The following ADAMTS16 variants were observed in gnomAD, a reference collection of about 807,000 sequenced individuals.
ADAMTS16 encodes A disintegrin and metalloproteinase with thrombospondin motifs 16.
ADAMTS16 carries 94 observed loss-of-function variants against 145.8 expected under a neutral mutation model. The ratio of observed to expected loss-of-function variants is 0.64; its 90% CI spans 0.55 to 0.77. ADAMTS16 has a LOEUF of 0.77. Ranked by LOEUF, ADAMTS16 falls within the 30% of genes least tolerant of loss-of-function variation. The pLI, the probability that ADAMTS16 is intolerant of heterozygous loss-of-function variation, is 0.00. For synonymous variants in ADAMTS16, 659 were observed against 604.3 expected, an observed-to-expected ratio of 1.09 and a Z score of -1.33; for missense variants, 1,585 against 1,591.5, an observed-to-expected ratio of 1.00 and a Z score of 0.07.
intron 11 of ADAMTS16, among the ~76,000 whole-genome samples, chr5:5,225,433 T>A (rs1418983384): frequency 2.0e-5 from 3 of 152,122 alleles, no homozygotes; most frequent in African/African-American, 7.2e-5. Context: ...TGAAACCCTG[T>A]CTCTACTAAA....
At chr5:5,315,955 GA>G (rs1472215445) in intron 21 of ADAMTS16, among the ~76,000 whole-genome samples, 1 of 152,048 alleles carries the variant, frequency 6.6e-6, no homozygotes. Flanking sequence ...ATCCAGAGGG[GA>G]AAAAAACAGA....
intron 3 of ADAMTS16, among the ~76,000 whole-genome samples, chr5:5,162,370 A>G (rs964586425): frequency 1.3e-5 from 2 of 152,176 alleles, no homozygotes; most frequent in African/African-American, 4.8e-5. Flanking sequence ...GACATCTAAC[A>G]AGGGTGAGAG....
At chr5:5,180,013 A>G (rs1735296253) in intron 3 of ADAMTS16, among the ~76,000 whole-genome samples, 1 of 152,288 alleles carries the variant, frequency 6.6e-6, no homozygotes. Context: ...ATGCTCCTCC[A>G]GGCCTGCAGT....
chr5:5,194,447 T>C (rs1378545868), intron 8 of ADAMTS16, among the ~76,000 whole-genome samples: 1 of 152,210 alleles, frequency 6.6e-6, no homozygotes, highest in African/African-American at 2.4e-5. Flanking sequence ...GGACAGTTCC[T>C]TCTGTCGCCT....
intron 17 of ADAMTS16, among the ~76,000 whole-genome samples, chr5:5,256,804 C>A (rs962910484): frequency 6.6e-6 from 1 of 152,078 alleles, no homozygotes; most frequent in African/African-American, 2.4e-5. Context: ...GGAAACCAAA[C>A]TGAAGCCATT....
chr5:5,154,166 T>A (rs368174781), intron 3 of ADAMTS16, among the ~76,000 whole-genome samples: 1 of 152,200 alleles, frequency 6.6e-6, no homozygotes, highest in East Asian at 1.9e-4. Flanking sequence ...CATGGGGGTA[T>A]GATCAGAAGA....
Position 5,195,125 on chromosome 5 carries a change from T to C in ADAMTS16, c.1313+3335T>C, listed in dbSNP as rs538301017. ...AAAAATAGAAATTACTAAGAACAGG[T>C]GTTTGGATTTGTGTTGGAAAGAGAG... On this transcript the variant is annotated intron_variant, in intron 8 of 22. Coordinates refer to ENST00000274181, the MANE Select transcript of ADAMTS16 (RefSeq NM_139056.4). Among the ~76,000 whole-genome samples the C allele has an allele frequency of 2.6e-5, 4 of 152,130 alleles. No homozygotes were observed. The East Asian group carries it at 7.7e-4, about 29-fold the overall frequency.
Position 5,318,140 on chromosome 5 carries a change from G to A in ADAMTS16, c.3418G>A (p.Ala1140Thr). 6.8e-7 allele frequency: 1 copy of A among 1,469,808 alleles called. No individual in the cohort carries two copies. 91.0% of individuals were successfully genotyped at this position (1,469,808 alleles called of 1,614,324 possible). The change falls in exon 22 of 23, where the codon GCC becomes ACC. Residue 1140 changes from alanine (A) to threonine (T), a missense_variant. Ala to Thr is a moderately conservative substitution (Grantham distance 58). Transcript: ENST00000274181. ...WFASPWSQCT[A>T]SCGGGVQTRS... ...GTGTGTGTTGCTCTCACAGTGCACG[G>A]CCAGCTGTGGGGGAGGCGTTCAGAC...
intron 9 of ADAMTS16, among the ~76,000 whole-genome samples, chr5:5,207,594 A>G (rs1056721607): frequency 1.3e-5 from 2 of 152,174 alleles, no homozygotes; most frequent in Non-Finnish European, 1.5e-5. Context: ...TGGTAAGAGG[A>G]GTCATTCTTA....
chr5:5,142,385 G>A (rs533951595), intron 2 of ADAMTS16: 1 of 152,336 alleles, frequency 6.6e-6, no homozygotes, highest in Non-Finnish European at 1.5e-5. Flanking sequence ...AAGGGGAAGA[G>A]GCAAACCCTT....
chr5:5,304,989 C>CACA lies in ADAMTS16; in HGVS notation c.3186+1223_3186+1224insACA, dbSNP rs1561000155. 7.7e-4 allele frequency among the ~76,000 whole-genome samples: 44 copies of CACA among 57,454 alleles called. 3 individuals carry two copies. The highest frequency in any genetic ancestry group is 2.4e-3 in the African/African-American group (39 of 16,208). The allele number at this position is 57,454 out of a possible 152,430, so 37.7% of individuals were successfully genotyped here. On this transcript the variant is annotated intron_variant, in intron 20 of 22. Coordinates refer to ENST00000274181, the MANE Select transcript of ADAMTS16 (RefSeq NM_139056.4). ...CACACACACACACACACATCCTACA[C>CACA]CACACACACACACACATCCCACACC...
intron 11 of ADAMTS16, among the ~76,000 whole-genome samples, chr5:5,227,291 C>T (rs112368789): frequency 1.0e-3 from 159 of 152,298 alleles, no homozygotes; most frequent in African/African-American, 3.4e-3. Context: ...TCGCCACAGG[C>T]GTAGGGACTG....
chr5:5,263,130 T>C lies in ADAMTS16; in HGVS notation c.2789+347T>C, dbSNP rs139102094. ...GTCCACTAGTGTGTGCTTTTCTTGC[T>C]GAATGAAACTTGCTGGAAGAACCCA... On this transcript the variant is annotated intron_variant, in intron 18 of 22. Transcript: ENST00000274181. Among the ~76,000 whole-genome samples, 438 of 152,364 alleles carry C rather than the reference T, an allele frequency of 2.9e-3. 3 individuals carry two copies. Among genetic ancestry groups the C allele is most frequent in the African/African-American group, 9.9e-3 (413 of 41,588 alleles).
chr5:5,193,119 C>A (rs542446176), intron 8 of ADAMTS16, among the ~76,000 whole-genome samples: 2 of 151,728 alleles, frequency 1.3e-5, no homozygotes, highest in African/African-American at 4.8e-5. Context: ...TGGACTGAGG[C>A]CTCAGACTTG....
At chr5:5,168,352 C>CATTT (rs1734939210) in intron 3 of ADAMTS16, among the ~76,000 whole-genome samples, 1 of 139,802 alleles carries the variant, frequency 7.2e-6, no homozygotes, top group African/African-American at 2.7e-5. Context: ...TTATCCGAAA[C>CATTT]ATTATTATTA....
At chr5:5,200,107 A>ATCTT in intron 8 of ADAMTS16, 25 bp from the exon 9 acceptor site, 1 of 1,447,260 alleles carries the variant, frequency 6.9e-7, no homozygotes, top group Non-Finnish European at 9.4e-7. Context: ...TGAAAGAACC[A>ATCTT]TCTCTCTCTC....
chr5:5,156,038 A>G (rs1331106762), intron 3 of ADAMTS16, among the ~76,000 whole-genome samples: 1 of 152,186 alleles, frequency 6.6e-6, no homozygotes, highest in African/African-American at 2.4e-5. Context: ...TGAGGCGTAG[A>G]CAGTCCGCAG....
chr5:5,155,897 G>A (rs1734589084), intron 3 of ADAMTS16, among the ~76,000 whole-genome samples: 1 of 152,172 alleles, frequency 6.6e-6, no homozygotes, highest in African/African-American at 2.4e-5. Flanking sequence ...GGTTAGACAG[G>A]AAGCCCACTG....
chr5:5,189,823 C>T (rs777374929), intron 6 of ADAMTS16, 148 bp from the exon 7 acceptor site: 44 of 896,660 alleles, frequency 4.9e-5, no homozygotes, highest in Admixed American at 5.6e-5. Context: ...TTATAGAATA[C>T]GTAAAATACA....
Sources: gnomAD v4.1 joint callset for allele counts (sites outside exome capture counted in the v4.1 genomes callset) on GRCh38, gnomAD v4.1.1 for gene constraint, MANE v1.5 for transcripts, NCBI Gene and HGNC (gene_info 2026-07-23, HGNC 2026-07-21) for gene names.